The following ZNF345 variants were observed in gnomAD, a reference collection of about 807,000 sequenced individuals.
The protein encoded by ZNF345 is zinc finger protein 345.
For missense variants in ZNF345, 527 were observed against 589.9 expected, an observed-to-expected ratio of 0.89 and a Z score of 1.10; for synonymous variants, 166 against 187.9, an observed-to-expected ratio of 0.88 and a Z score of 0.95.
intron 2 of ZNF345, among the ~76,000 whole-genome samples, chr19:36,854,977 A>C (rs575877574): frequency 6.7e-6 from 1 of 149,672 alleles, no homozygotes; most frequent in African/African-American, 2.5e-5. Flanking sequence ...TCAGCCTCCC[A>C]AGTAGCTGAG....
At chr19:36,893,110 A>T (rs988943502), downstream of ZNF345, 3 of 397,530 alleles carry the variant, frequency 7.5e-6, no homozygotes, top group African/African-American at 6.2e-5. Flanking sequence ...AAGAATAACA[A>T]ATGTGTTGAA....
intron 3 of ZNF345, chr19:36,892,227 C>G (rs367846247): frequency 3.1e-6 from 5 of 1,614,086 alleles, no homozygotes; most frequent in Non-Finnish European, 4.2e-6. Flanking sequence ...ACTTCCCATA[C>G]TCCTTAGATT....
chr19:36,854,493 T>A (rs1432016253), intron 2 of ZNF345: 1 of 152,140 alleles, frequency 6.6e-6, no homozygotes, highest in Non-Finnish European at 1.5e-5. Context: ...ATGGCTTGCC[T>A]TTTCCCTCAG....
intron 2 of ZNF345, among the ~76,000 whole-genome samples, chr19:36,871,144 G>T (rs2072762959): frequency 6.6e-6 from 1 of 152,260 alleles, no homozygotes; most frequent in Non-Finnish European, 1.5e-5. Flanking sequence ...CTTCATAGTT[G>T]GCACCTTCTC....
intron 3 of ZNF345, chr19:36,892,066 C>T (rs772538159): frequency 6.2e-7 from 1 of 1,614,036 alleles, no homozygotes; most frequent in South Asian, 1.1e-5. Context: ...ACATTCCTTA[C>T]ATTCATAGGG....
chr19:36,887,033 G>T (rs1304172718), intron 3 of ZNF345, among the ~76,000 whole-genome samples: 1 of 151,688 alleles, frequency 6.6e-6, no homozygotes, highest in Admixed American at 6.6e-5. Context: ...GGTGGTGGTG[G>T]GTGCCTGTAA....
rs1372688415 is a variant in ZNF345 at position 36,878,711 on chromosome 19, T to G, written c.*414T>G. 1 of 169,810 alleles carries G rather than the reference T, an allele frequency of 5.9e-6. No individual in the cohort carries two copies. Among genetic ancestry groups the G allele is most frequent in the Non-Finnish European group, 1.4e-5 (1 of 70,122 alleles). The allele number at this position is 169,810 out of a possible 1,614,324, so 10.5% of individuals were successfully genotyped here. On this transcript the variant is annotated 3_prime_UTR_variant, in exon 3 of 3. Transcript: ENST00000420450. ...CTAAATTTATCCTTTTTTTCTTTCC[T>G]GATTATCCTAACACCATTTATTCAA...
intron 2 of ZNF345, among the ~76,000 whole-genome samples, chr19:36,868,037 G>A (rs1254034941): frequency 1.5e-5 from 2 of 136,810 alleles, no homozygotes; most frequent in Non-Finnish European, 3.1e-5. Context: ...GAGTCTTGCT[G>A]TGTCGCCCAG....
At chr19:36,891,421 A>T (rs990221957) in intron 3 of ZNF345, 2 of 1,424,368 alleles carry the variant, frequency 1.4e-6, no homozygotes, top group Non-Finnish European at 1.9e-6. Flanking sequence ...TATGTATCCT[A>T]ATTTGTTCTC....
chr19:36,879,636 T>G (rs2146211974), downstream of ZNF345: 1 of 163,242 alleles, frequency 6.1e-6, no homozygotes, highest in South Asian at 2.1e-4. Flanking sequence ...TCAGAGATAA[T>G]GTATCAATTG....
intron 2 of ZNF345, among the ~76,000 whole-genome samples, chr19:36,875,670 T>G (rs1451149013): frequency 1.3e-5 from 2 of 152,110 alleles, no homozygotes; most frequent in African/African-American, 4.8e-5. Flanking sequence ...AAAAGATAAT[T>G]TTGATTTGGA....
downstream of ZNF345, among the ~76,000 whole-genome samples, chr19:36,880,011 T>G (rs2072958992): frequency 6.6e-6 from 1 of 152,186 alleles, no homozygotes; most frequent in African/African-American, 2.4e-5. Flanking sequence ...AGGGAAAATT[T>G]GATTGACATT....
At chr19:36,867,400 G>T (rs1568355341) in intron 2 of ZNF345, among the ~76,000 whole-genome samples, 1 of 152,116 alleles carries the variant, frequency 6.6e-6, no homozygotes, top group Non-Finnish European at 1.5e-5. Context: ...TATAAATTCA[G>T]TGGTATTTGC....
At chr19:36,866,543 T>C (rs940673553) in intron 2 of ZNF345, among the ~76,000 whole-genome samples, 1 of 141,758 alleles carries the variant, frequency 7.1e-6, no homozygotes, top group Non-Finnish European at 1.5e-5. Flanking sequence ...TGTGTTCTTT[T>C]AAGTTTTGTT....
chr19:36,877,941 G>A lies in ZNF345; in HGVS notation c.1111G>A (p.Glu371Lys). 6.2e-7 allele frequency: 1 copy of A among 1,614,158 alleles called. No individual in the cohort carries two copies. The highest frequency in any genetic ancestry group is 8.5e-7 in the Non-Finnish European group (1 of 1,180,024). ...AATTCATACTGGTGAGAAACCCTAT[G>A]AATGTAAGGAATGTGGGAAGGCCTT... Reference protein sequence around the residue: ...HRIHTGEKPYECKECGKAFGS... With the variant: ...HRIHTGEKPYKCKECGKAFGS... The change falls in exon 3 of 3, where the codon GAA becomes AAA. Residue 371 changes from glutamate to lysine, a missense_variant. Transcript: ENST00000420450.
chr19:36,878,048 C>G lies in ZNF345; in HGVS notation c.1218C>G (p.Ser406=), dbSNP rs1024180570. Residue 406 remains serine, a synonymous_variant, in exon 3 of 3, where the codon TCC becomes TCG. Transcript: ENST00000420450. The part of the protein sequence containing the change: ...RPYECKECGK[S]FSSGSALNRH... ...ATGAATGTAAAGAATGTGGAAAGTC[C>G]TTTAGTAGTGGTTCAGCTCTTAATC... The G allele has an allele frequency of 8.7e-6, 14 of 1,613,410 alleles. No individual in the cohort carries two copies. Among genetic ancestry groups the G allele is most frequent in the Non-Finnish European group, 1.2e-5 (14 of 1,179,940 alleles).
intron 2 of ZNF345, among the ~76,000 whole-genome samples, chr19:36,862,642 C>A (rs965604387): frequency 1.6e-5 from 2 of 126,866 alleles, no homozygotes; most frequent in Admixed American, 2.0e-4. Flanking sequence ...CCAACCTGGG[C>A]GACAGAGTGA....
rs774997531 is a variant in ZNF345, at chr19:36,892,606, T to A, written c.47-212T>A. ...TTTTCAAAGGTGGAGAGGCAATCTG[T>A]AAAACTGACAAGAAAAGCACAGACA... is the stretch of plus-strand genomic sequence containing the variant. On this transcript the variant is annotated intron_variant, in intron 3 of 3. Transcript: ENST00000526123. 1.1e-4 allele frequency: 104 copies of A among 935,732 alleles called. 1 individual carries two copies. Among genetic ancestry groups the A allele is most frequent in the Non-Finnish European group, 1.5e-4 (96 of 643,096 alleles). The allele number at this position is 935,732 out of a possible 1,614,324, so 58.0% of individuals were successfully genotyped here.
At chr19:36,873,451 G>A (rs573019834) in intron 2 of ZNF345, among the ~76,000 whole-genome samples, 1 of 152,186 alleles carries the variant, frequency 6.6e-6, no homozygotes, top group South Asian at 2.1e-4. Flanking sequence ...AAATTAACAT[G>A]TTCATCATCT....
Sources: gnomAD v4.1 joint callset for allele counts (sites outside exome capture counted in the v4.1 genomes callset) on GRCh38, gnomAD v4.1.1 for gene constraint, MANE v1.5 for transcripts, NCBI Gene and HGNC (gene_info 2026-07-23, HGNC 2026-07-21) for gene names.